Variants in PTPRZ1 observed in about 807,000 individuals in gnomAD.
The protein encoded by PTPRZ1 is receptor-type tyrosine-protein phosphatase zeta.
PTPRZ1 carries 82 observed loss-of-function variants against 214.1 expected under a neutral mutation model. That is an observed-to-expected ratio of 0.38 (90% CI 0.32 to 0.46). PTPRZ1 has a LOEUF of 0.46. PTPRZ1 is among the 20% of genes least tolerant of loss of function. The pLI, the probability that PTPRZ1 is intolerant of heterozygous loss-of-function variation, is 1.00. For synonymous variants in PTPRZ1, 945 were observed against 987.9 expected (o/e 0.96, Z 0.81); for missense variants, 2,603 against 2,748.7 (o/e 0.95, Z 1.19).
At chr7:121,913,724 G>A (rs972213789) in intron 1 of PTPRZ1, among the ~76,000 whole-genome samples, 10 of 143,082 alleles carry the variant, frequency 7.0e-5, no homozygotes, top group Non-Finnish European at 1.6e-4. Context: ...GCAGGTATGG[G>A]GGAAAGTTTT....
chr7:122,003,740 A>T (rs1000461273), intron 10 of PTPRZ1, among the ~76,000 whole-genome samples: 21 of 152,184 alleles, frequency 1.4e-4, no homozygotes, highest in Non-Finnish European at 2.8e-4. Context: ...TTTCCTAATG[A>T]CCCAGGCAGC....
chr7:122,033,470 A>T (rs534899768), intron 15 of PTPRZ1, among the ~76,000 whole-genome samples: 355 of 152,074 alleles, frequency 2.3e-3, no homozygotes, highest in African/African-American at 7.4e-3. Context: ...TAATAAAAAA[A>T]TGGGCAGAAA....
At chr7:121,972,197 C>G (rs532699555) in intron 3 of PTPRZ1, among the ~76,000 whole-genome samples, 15 of 152,144 alleles carry the variant, frequency 9.9e-5, no homozygotes, top group Admixed American at 9.8e-4. Context: ...GTTCCTTCCC[C>G]CTTTGCTCTG....
intron 2 of PTPRZ1, among the ~76,000 whole-genome samples, chr7:121,940,033 C>G (rs1200677341): frequency 6.6e-6 from 1 of 152,108 alleles, no homozygotes; most frequent in African/African-American, 2.4e-5. Flanking sequence ...TCACTGTGCT[C>G]CAGCCTCTAC....
intron 14 of PTPRZ1, among the ~76,000 whole-genome samples, chr7:122,029,096 GTT>G (rs869169681): frequency 4.8e-5 from 7 of 146,960 alleles, no homozygotes; most frequent in Non-Finnish European, 1.1e-4. Context: ...TGAGAAAAGG[GTT>G]TTTTTTTTTT....
At chr7:121,951,853 T>C (rs1796549789) in intron 2 of PTPRZ1, among the ~76,000 whole-genome samples, 1 of 152,346 alleles carries the variant, frequency 6.6e-6, no homozygotes, top group East Asian at 1.9e-4. Context: ...AAAGAGAAAC[T>C]ACTTAAATAT....
chr7:122,025,978 C>G, intron 13 of PTPRZ1, among the ~76,000 whole-genome samples: 1 of 151,970 alleles, frequency 6.6e-6, no homozygotes, highest in Non-Finnish European at 1.5e-5. Context: ...TATTGAAAAG[C>G]CTTGGATATT....
chr7:121,982,829 G>A (rs951698069), intron 6 of PTPRZ1, among the ~76,000 whole-genome samples: 5 of 151,458 alleles, frequency 3.3e-5, no homozygotes, highest in South Asian at 2.1e-4. Context: ...GCTGGAGTGC[G>A]GTGGCGCCAT....
intron 8 of PTPRZ1, among the ~76,000 whole-genome samples, chr7:121,995,137 T>A (rs1402444783): frequency 6.6e-6 from 1 of 152,224 alleles, no homozygotes; most frequent in Non-Finnish European, 1.5e-5. Context: ...AGACCAATTG[T>A]TAGTTGTGGG....
chr7:122,048,793 T>C (rs1792080143), intron 23 of PTPRZ1, among the ~76,000 whole-genome samples: 1 of 152,136 alleles, frequency 6.6e-6, no homozygotes, highest in African/African-American at 2.4e-5. Flanking sequence ...TAATTTAATG[T>C]CACATTTTAC....
At position 122,036,637 on chromosome 7, in the gene PTPRZ1, A is replaced by C. The variant is rs781694063; in HGVS notation, c.5322A>C (p.Glu1774Asp). 1.2e-6 allele frequency: 2 copies of C among 1,609,802 alleles called. No homozygotes were observed. Among genetic ancestry groups the C allele is most frequent in the Non-Finnish European group, 1.7e-6 (2 of 1,176,156 alleles). Residue 1774 changes from glutamate to aspartate, a missense_variant, in exon 18 of 30, where the codon GAA becomes GAC. By Grantham distance (45) the Glu-to-Asp change is conservative. This residue lies in a region of PTPRZ1 where 1,913 missense variants were observed against 1,914.3 expected (regional missense o/e 1.00). Transcript: ENST00000393386. ...HSRVKLAQLA[E>D]KDGKLTDYIN... ...GGGTTAAGCTAGCACAGCTTGCTGA[A>C]AAGGATGGCAAACTGACTGATTATA... is the stretch of plus-strand genomic sequence containing the variant.
intron 1 of PTPRZ1, among the ~76,000 whole-genome samples, chr7:121,892,069 T>G (rs1794645231): frequency 6.6e-6 from 1 of 152,158 alleles, no homozygotes; most frequent in Non-Finnish European, 1.5e-5. Context: ...CTAACAAAAA[T>G]TATTTGTATT....
At chr7:121,956,762 A>T (rs774291786) in intron 2 of PTPRZ1, among the ~76,000 whole-genome samples, 2 of 152,246 alleles carry the variant, frequency 1.3e-5, no homozygotes, top group Non-Finnish European at 2.9e-5. Context: ...TTTCCATACC[A>T]CAAGGCTTTT....
chr7:122,060,168 A>C (rs947577526), intron 29 of PTPRZ1, among the ~76,000 whole-genome samples: 1 of 152,170 alleles, frequency 6.6e-6, no homozygotes, highest in Non-Finnish European at 1.5e-5. Flanking sequence ...TCATAGGCTC[A>C]CCTTCAGCTC....
At chr7:121,992,648 A>C (rs1289084840) in intron 8 of PTPRZ1, among the ~76,000 whole-genome samples, 1 of 152,206 alleles carries the variant, frequency 6.6e-6, no homozygotes, top group Non-Finnish European at 1.5e-5. Flanking sequence ...CAGAATTTAG[A>C]ATCTAAAACC....
At chr7:121,950,732 A>T (rs560724136) in intron 2 of PTPRZ1, among the ~76,000 whole-genome samples, 14 of 152,294 alleles carry the variant, frequency 9.2e-5, no homozygotes, top group Non-Finnish European at 1.3e-4. Context: ...GTTTATCTGT[A>T]TGTCTTCTTC....
intron 1 of PTPRZ1, among the ~76,000 whole-genome samples, chr7:121,877,110 G>A (rs1232913361): frequency 6.6e-6 from 1 of 152,128 alleles, no homozygotes; most frequent in Non-Finnish European, 1.5e-5. Flanking sequence ...GTGTCTACTA[G>A]GTGCAGTTTC....
At chr7:122,007,386 A>T (rs1177095674) in intron 11 of PTPRZ1, among the ~76,000 whole-genome samples, 1 of 152,134 alleles carries the variant, frequency 6.6e-6, no homozygotes, top group African/African-American at 2.4e-5. Flanking sequence ...AGGATACAGG[A>T]GCAGTGATTG....
intron 2 of PTPRZ1, among the ~76,000 whole-genome samples, chr7:121,960,255 C>T (rs951790868): frequency 2.0e-5 from 3 of 151,998 alleles, no homozygotes; most frequent in Admixed American, 6.6e-5. Flanking sequence ...TGGCCAGGCT[C>T]GTCTCAAACT....
Sources: allele counts gnomAD v4.1 joint callset (sites outside exome capture counted in the v4.1 genomes callset), GRCh38; gene constraint gnomAD v4.1.1; regional missense constraint gnomAD v4.1.1; transcripts MANE v1.5; gene names NCBI Gene and HGNC (gene_info 2026-07-23, HGNC 2026-07-21).